Variants in FRAS1 observed in about 807,000 individuals in gnomAD.
FRAS1 encodes the protein Fraser extracellular matrix complex subunit 1.
In FRAS1, 290 loss-of-function variants were observed where a neutral mutation model predicts 435.2. That is an observed-to-expected ratio of 0.67 (90% CI 0.61 to 0.73). The LOEUF (loss-of-function observed/expected upper bound fraction) is 0.73. Ranked by LOEUF, FRAS1 falls within the 30% of genes least tolerant of loss-of-function variation. The pLI, the probability that FRAS1 is intolerant of heterozygous loss-of-function variation, is 0.00. For missense variants in FRAS1, 4,860 were observed against 5,001.5 expected (o/e 0.97, Z 0.85); for synonymous variants, 1,800 against 1,851.0 (o/e 0.97, Z 0.71).
intron 2 of FRAS1, among the ~76,000 whole-genome samples, chr4:78,234,090 T>A (rs1008158970): frequency 6.6e-6 from 1 of 152,234 alleles, no homozygotes; most frequent in Non-Finnish European, 1.5e-5. Context: ...TAGTAGCTGC[T>A]GGCTTTGTGA....
intron 13 of FRAS1, among the ~76,000 whole-genome samples, chr4:78,285,195 A>G (rs1458805222): frequency 6.6e-6 from 1 of 151,766 alleles, no homozygotes; most frequent in Non-Finnish European, 1.5e-5. Context: ...TTAATTATCC[A>G]TTTTAAAGTG....
At chr4:78,305,808 CTT>C (rs2110215218) in intron 14 of FRAS1, among the ~76,000 whole-genome samples, 1 of 151,826 alleles carries the variant, frequency 6.6e-6, no homozygotes, top group South Asian at 2.1e-4. Context: ...GGTCCTGACT[CTT>C]TATCCAATTT....
chr4:78,407,696 A>G lies in FRAS1; in HGVS notation c.4163A>G (p.Asp1388Gly), dbSNP rs1733155123. The G allele has an allele frequency of 6.2e-7, 1 of 1,613,486 alleles. No homozygotes were observed. ...GTCCTTCTAGTGAATATGCCTGCAG[A>G]CAGCCCTGCAGATGAAGGGCAGCAC... Reference protein sequence around the residue: ...EVVLLVNMPADSPADEGQHLP... With the variant: ...EVVLLVNMPAGSPADEGQHLP... Residue 1388 changes from aspartate (D) to glycine (G), a missense_variant, in exon 31 of 74, where the codon GAC (aspartate) becomes GGC (glycine). Physicochemically the swap from Asp to Gly is moderately conservative, Grantham distance 94. Coordinates refer to ENST00000512123, the MANE Select transcript of FRAS1 (RefSeq NM_025074.7).
intron 69 of FRAS1, among the ~76,000 whole-genome samples, chr4:78,523,182 A>G (rs1721440490): frequency 6.6e-6 from 1 of 152,210 alleles, no homozygotes; most frequent in Non-Finnish European, 1.5e-5. Flanking sequence ...ATAAATAGGA[A>G]GTGCTTACAC....
chr4:78,090,445 GA>G (rs1741458865), intron 2 of FRAS1, among the ~76,000 whole-genome samples: 1 of 152,070 alleles, frequency 6.6e-6, no homozygotes, highest in African/African-American at 2.4e-5. Context: ...TTTTTCTATT[GA>G]TTTTTTTTGC....
At chr4:78,269,888 G>A (rs1267587634) in intron 9 of FRAS1, among the ~76,000 whole-genome samples, 2 of 152,162 alleles carry the variant, frequency 1.3e-5, no homozygotes, top group Non-Finnish European at 2.9e-5. Context: ...GGGTAGGCGC[G>A]TGGTAAATGT....
chr4:78,137,614 C>A (rs1719978879), intron 2 of FRAS1, among the ~76,000 whole-genome samples: 1 of 152,184 alleles, frequency 6.6e-6, no homozygotes, highest in Non-Finnish European at 1.5e-5. Context: ...TGGATTGAGC[C>A]CCAAAGGGGC....
chr4:78,116,164 T>C (rs529149198), intron 2 of FRAS1, among the ~76,000 whole-genome samples: 2 of 152,312 alleles, frequency 1.3e-5, no homozygotes, highest in East Asian at 3.9e-4. Context: ...TAATCCTGAG[T>C]TCTAGTTTGA....
At chr4:78,475,118 A>G (rs1719817526) in intron 53 of FRAS1, among the ~76,000 whole-genome samples, 1 of 152,052 alleles carries the variant, frequency 6.6e-6, no homozygotes, top group Non-Finnish European at 1.5e-5. Flanking sequence ...GGAGGGAGAG[A>G]TTGTTTTTCC....
intron 20 of FRAS1, among the ~76,000 whole-genome samples, chr4:78,345,381 C>T (rs557050230): frequency 1.3e-5 from 2 of 152,212 alleles, no homozygotes; most frequent in Admixed American, 1.3e-4. Context: ...GGACTTGAAT[C>T]AGCTGTCCTC....
At chr4:78,451,955 C>T (rs1236187800) in intron 46 of FRAS1, 64 bp downstream of exon 46, 20 of 1,490,734 alleles carry the variant, frequency 1.3e-5, no homozygotes, top group Non-Finnish European at 1.7e-5. Flanking sequence ...ATATAGTTTA[C>T]ACTTTGTTCA....
chr4:78,473,501 A>T lies in FRAS1; in HGVS notation c.7586A>T (p.Asp2529Val). Residue 2529 changes from aspartate to valine, a missense_variant, in exon 53 of 74, where the codon GAT becomes GTT. Coordinates refer to ENST00000512123, the MANE Select transcript of FRAS1 (RefSeq NM_025074.7). Reference protein sequence around the residue: ...LHKEKIREMMDSFQFLVKDSK... With the variant: ...LHKEKIREMMVSFQFLVKDSK... ...AAGGAGAAGATCCGTGAGATGATGG[A>T]TAGTTTTCAGTTTCTGGTGAAAGAC... The T allele has an allele frequency of 6.2e-7, 1 of 1,613,434 alleles. No individual in the cohort carries two copies. The highest frequency in any genetic ancestry group is 8.5e-7 in the Non-Finnish European group (1 of 1,179,534).
intron 18 of FRAS1, among the ~76,000 whole-genome samples, chr4:78,322,641 C>A (rs1358975663): frequency 1.3e-5 from 2 of 152,082 alleles, no homozygotes; most frequent in Admixed American, 6.5e-5. Flanking sequence ...TTACTTTGAG[C>A]CACACAACAA....
At chr4:78,088,874 T>A (rs1318129593) in intron 2 of FRAS1, among the ~76,000 whole-genome samples, 1 of 152,196 alleles carries the variant, frequency 6.6e-6, no homozygotes, top group Non-Finnish European at 1.5e-5. Flanking sequence ...AGTGTGGTGA[T>A]TCTTCAGGGA....
At chr4:78,188,114 C>A (rs1156854781) in intron 2 of FRAS1, among the ~76,000 whole-genome samples, 1 of 152,110 alleles carries the variant, frequency 6.6e-6, no homozygotes, top group Admixed American at 6.5e-5. Flanking sequence ...AACAGTTATC[C>A]TTCCTTTGCC....
At chr4:78,277,654 A>G (rs1016953500) in intron 9 of FRAS1, among the ~76,000 whole-genome samples, 1 of 152,178 alleles carries the variant, frequency 6.6e-6, no homozygotes, top group African/African-American at 2.4e-5. Flanking sequence ...AAATTATAGA[A>G]TTGCAAATTA....
intron 22 of FRAS1, 132 bp downstream of exon 22, chr4:78,364,186 A>T: frequency 9.2e-7 from 1 of 1,083,528 alleles, no homozygotes; most frequent in African/African-American, 1.6e-5. Flanking sequence ...GAAGAAAACC[A>T]ATCTACAAAG....
intron 2 of FRAS1, among the ~76,000 whole-genome samples, chr4:78,236,578 AGC>A (rs1724773454): frequency 6.6e-6 from 1 of 152,200 alleles, no homozygotes; most frequent in African/African-American, 2.4e-5. Context: ...ATCTCAGTAC[AGC>A]CCATGGGATC....
chr4:78,090,624 C>T (rs764445727), intron 2 of FRAS1, among the ~76,000 whole-genome samples: 5 of 152,080 alleles, frequency 3.3e-5, no homozygotes, highest in Non-Finnish European at 2.9e-5. Flanking sequence ...CATCTGTGCT[C>T]GAGATCACTG....
Sources: allele counts gnomAD v4.1 joint callset (sites outside exome capture counted in the v4.1 genomes callset), GRCh38; gene constraint gnomAD v4.1.1; transcripts MANE v1.5; gene names NCBI Gene and HGNC (gene_info 2026-07-23, HGNC 2026-07-21).